Variants in PRTFDC1 observed in about 807,000 individuals in gnomAD.
The protein encoded by PRTFDC1 is phosphoribosyltransferase domain-containing protein 1.
A neutral mutation model predicts 34.6 loss-of-function variants in PRTFDC1; 38 were observed. The ratio of observed to expected loss-of-function variants is 1.10; its 90% CI spans 0.85 to 1.44. PRTFDC1 has a LOEUF of 1.44. Ranked by LOEUF, PRTFDC1 falls within the 40% of genes most tolerant of loss-of-function variation. The pLI is 0.00. For missense variants in PRTFDC1, 270 were observed against 283.0 expected (o/e 0.95, Z 0.33); for synonymous variants, 93 against 98.1 (o/e 0.95, Z 0.31).
At chr10:24,891,520 C>G (rs975453912) in intron 3 of PRTFDC1, among the ~76,000 whole-genome samples, 1 of 152,014 alleles carries the variant, frequency 6.6e-6, no homozygotes, top group Non-Finnish European at 1.5e-5. Context: ...AGGCTGGGTG[C>G]AGTGGCTCCT....
At chr10:24,884,714 G>T (rs1848135444) in intron 3 of PRTFDC1, among the ~76,000 whole-genome samples, 1 of 152,208 alleles carries the variant, frequency 6.6e-6, no homozygotes, top group South Asian at 2.1e-4. Context: ...GCAGGGTAGA[G>T]TTAGGGGCAG....
At chr10:24,901,404 A>C (rs939778215) in intron 3 of PRTFDC1, among the ~76,000 whole-genome samples, 3 of 152,184 alleles carry the variant, frequency 2.0e-5, no homozygotes, top group Non-Finnish European at 4.4e-5. Flanking sequence ...AGAAATGACC[A>C]CCACCACCTC....
chr10:24,918,326 A>C (rs1272803639), intron 3 of PRTFDC1, among the ~76,000 whole-genome samples: 1 of 119,044 alleles, frequency 8.4e-6, no homozygotes, highest in African/African-American at 2.8e-5. Context: ...ACTTTTAACT[A>C]TATCATATCA....
chr10:24,924,522 G>C (rs2132588475), intron 3 of PRTFDC1, among the ~76,000 whole-genome samples: 1 of 152,272 alleles, frequency 6.6e-6, no homozygotes, highest in Non-Finnish European at 1.5e-5. Context: ...ACTATCATCA[G>C]AGTGAACAGA....
chr10:24,882,249 G>A (rs1384608563), intron 3 of PRTFDC1, among the ~76,000 whole-genome samples: 1 of 150,276 alleles, frequency 6.7e-6, no homozygotes, highest in Admixed American at 6.6e-5. Context: ...AAAGACTCAG[G>A]CATCATCTCT....
chr10:24,903,948 C>G (rs1221498896), intron 3 of PRTFDC1, among the ~76,000 whole-genome samples: 14 of 151,928 alleles, frequency 9.2e-5, no homozygotes, highest in Non-Finnish European at 2.1e-4. Context: ...CTCAGCCTCG[C>G]AAAGGGCTGG....
At chr10:24,896,395 A>G (rs1184676094) in intron 3 of PRTFDC1, among the ~76,000 whole-genome samples, 1 of 152,168 alleles carries the variant, frequency 6.6e-6, no homozygotes, top group African/African-American at 2.4e-5. Flanking sequence ...TCCATGGAAA[A>G]GCTGTCTTCC....
intron 3 of PRTFDC1, among the ~76,000 whole-genome samples, chr10:24,887,875 C>T (rs138749917): frequency 6.6e-6 from 1 of 152,190 alleles, no homozygotes; most frequent in Non-Finnish European, 1.5e-5. Context: ...ATATTAGCTA[C>T]CCCTTGTTCA....
chr10:24,921,946 T>C (rs1848797362), intron 3 of PRTFDC1, among the ~76,000 whole-genome samples: 1 of 152,152 alleles, frequency 6.6e-6, no homozygotes, highest in Non-Finnish European at 1.5e-5. Flanking sequence ...ACCATTAAAC[T>C]CAAACTTTAT....
intron 3 of PRTFDC1, among the ~76,000 whole-genome samples, chr10:24,881,291 AAT>A (rs929559991): frequency 1.3e-5 from 2 of 151,848 alleles, no homozygotes; most frequent in African/African-American, 4.8e-5. Flanking sequence ...GCTGGTCTTG[AAT>A]TCCTGGCCTC....
chr10:24,888,252 G>A (rs1338037946), intron 3 of PRTFDC1, among the ~76,000 whole-genome samples: 1 of 152,202 alleles, frequency 6.6e-6, no homozygotes, highest in Non-Finnish European at 1.5e-5. Context: ...ACTGAACAGG[G>A]CCTTGGACAT....
intron 4 of PRTFDC1, among the ~76,000 whole-genome samples, chr10:24,870,728 A>G (rs1370699464): frequency 6.6e-6 from 1 of 152,136 alleles, no homozygotes; most frequent in African/African-American, 2.4e-5. Context: ...ATGGAACACA[A>G]TTTACTGCTA....
In PRTFDC1 at chr10:24,872,048, C is replaced by T. The variant is rs1847879159; in HGVS notation, c.355G>A (p.Gly119Ser). ...LKSYRNDQSM[G>S]EMQIIGGDDL... is the part of the protein sequence containing the mutation. The stretch of plus-strand genomic sequence containing the variant: ...TCGCCTCCGATTATCTGCATCTCAC[C>T]CATGGACTGGTCATTCTGCAAAAAA... Residue 119 changes from glycine (G) to serine (S), a missense_variant, in exon 4 of 9, where the codon GGT becomes AGT. Coordinates refer to ENST00000320152, the MANE Select transcript of PRTFDC1 (RefSeq NM_020200.7). 1.2e-6 allele frequency: 2 copies of T among 1,611,264 alleles called. No homozygotes were observed. The highest frequency in any genetic ancestry group is 3.3e-5 in the Admixed American group (2 of 59,976).
intron 4 of PRTFDC1, among the ~76,000 whole-genome samples, chr10:24,861,559 A>T (rs998607596): frequency 2.0e-5 from 3 of 152,034 alleles, no homozygotes; most frequent in African/African-American, 7.2e-5. Context: ...ATAGATTGAA[A>T]GGTTTTTAAA....
chr10:24,951,517 G>C (rs1375447694), intron 1 of PRTFDC1: 1 of 972,696 alleles, frequency 1.0e-6, no homozygotes, highest in Non-Finnish European at 1.2e-6. Context: ...CCTTCTGTCT[G>C]AATGTGACAC....
At chr10:24,880,819 C>CTTTCTTTCTTTCTTTCTT (rs1477713051) in intron 3 of PRTFDC1, among the ~76,000 whole-genome samples, 1 of 89,512 alleles carries the variant, frequency 1.1e-5, no homozygotes, top group African/African-American at 5.4e-5. Flanking sequence ...CTTTCTCTTT[C>CTTTCTTTCTTTCTTTCTT]TTTCTTTCTT....
intron 2 of PRTFDC1, among the ~76,000 whole-genome samples, chr10:24,941,303 C>T (rs1014420480): frequency 2.0e-5 from 3 of 152,030 alleles, no homozygotes; most frequent in Admixed American, 6.6e-5. Context: ...AGTCCTCTTG[C>T]CTCAGCCTCC....
At chr10:24,857,087 T>A (rs540358495) in intron 5 of PRTFDC1, 92 bp from the exon 6 acceptor site, 1 of 1,088,782 alleles carries the variant, frequency 9.2e-7, no homozygotes, top group African/African-American at 1.5e-5. Context: ...TAATAATGCA[T>A]CGTAATTAAA....
chr10:24,930,464 A>T (rs888464908), intron 3 of PRTFDC1, among the ~76,000 whole-genome samples: 2 of 152,218 alleles, frequency 1.3e-5, no homozygotes, highest in African/African-American at 4.8e-5. Flanking sequence ...ATTTATGGAT[A>T]TTGTCATTCT....
Sources: gnomAD v4.1 joint callset for allele counts (sites outside exome capture counted in the v4.1 genomes callset) on GRCh38, gnomAD v4.1.1 for gene constraint, MANE v1.5 for transcripts, NCBI Gene and HGNC (gene_info 2026-07-23, HGNC 2026-07-21) for gene names.